PRIM2: variants seen among roughly 807,000 people sequenced by gnomAD.
PRIM2 encodes the protein DNA primase large subunit.
Under a neutral mutation model 67.3 loss-of-function variants are expected in PRIM2, and 39 were observed. That is an observed-to-expected ratio of 0.58 (90% confidence interval 0.45 to 0.76). The LOEUF is 0.76. Among genes scored for constraint, PRIM2 ranks in the 30% least tolerant of loss-of-function variants. PRIM2 has a pLI of 0.00. For missense variants in PRIM2, 398 were observed against 598.7 expected (o/e 0.66, Z 3.50); for synonymous variants, 143 against 198.7 (o/e 0.72, Z 2.36).
At chr6:57,306,691 T>A in the PRIM2 span, among the ~76,000 whole-genome samples, 1 of 152,148 alleles carries the variant, frequency 6.6e-6, no homozygotes, top group Non-Finnish European at 1.5e-5. Flanking sequence ...ATATTAGATC[T>A]GTCTTGGGTC....
At chr6:57,222,382 C>CGGCGGCTCAGCTTTCCA in the PRIM2 span, 1 of 152,502 alleles carries the variant, frequency 6.6e-6, no homozygotes, top group South Asian at 2.1e-4. Context: ...GGGTGGCTGG[C>CGGCGGCTCAGCTTTCCA]GGCGGCTCAG....
At chr6:57,402,776 C>T (rs372759320) in intron 7 of PRIM2, among the ~76,000 whole-genome samples, 4,965 of 152,004 alleles carry the variant, frequency 0.033, 269 homozygotes, top group African/African-American at 0.11. Context: ...GATTGTGTCC[C>T]CTCAGTTAAA....
At chr6:57,630,986 G>A (rs1341968497) in intron 12 of PRIM2, among the ~76,000 whole-genome samples, 9 of 152,280 alleles carry the variant, frequency 5.9e-5, no homozygotes, top group Non-Finnish European at 1.2e-4. Context: ...TGGTTGGCTG[G>A]CATTTACACA....
At chr6:57,465,096 C>T (rs35899437) in intron 7 of PRIM2, among the ~76,000 whole-genome samples, 12 of 152,212 alleles carry the variant, frequency 7.9e-5, no homozygotes, top group African/African-American at 2.6e-4. Flanking sequence ...CATGTAGGTC[C>T]ACCACTACAG....
chr6:57,305,969 TATCCATAA>T, the PRIM2 span, among the ~76,000 whole-genome samples: 3 of 152,224 alleles, frequency 2.0e-5, no homozygotes, highest in Non-Finnish European at 2.9e-5. Context: ...ATAGAGTCAT[TATCCATAA>T]ATGATAAATG....
At chr6:57,629,304 C>T (rs1413297035) in intron 12 of PRIM2, among the ~76,000 whole-genome samples, 219 of 152,272 alleles carry the variant, frequency 1.4e-3, no homozygotes, top group African/African-American at 5.1e-3. Context: ...ACTCCTGTTT[C>T]TACACAGAAA....
intron 5 of PRIM2, among the ~76,000 whole-genome samples, chr6:57,364,003 T>C (rs921278076): frequency 3.3e-5 from 5 of 152,142 alleles, no homozygotes; most frequent in Admixed American, 6.5e-5. Context: ...TCCCAGTTTG[T>C]TATTTCTATA....
chr6:57,431,531 C>G (rs1489617725), intron 7 of PRIM2, among the ~76,000 whole-genome samples: 1 of 151,884 alleles, frequency 6.6e-6, no homozygotes, highest in Non-Finnish European at 1.5e-5. Context: ...GGAGGTGCAC[C>G]CAGCTACTTG....
intron 7 of PRIM2, among the ~76,000 whole-genome samples, chr6:57,478,749 G>C (rs1455822627): frequency 0.088 from 12,675 of 143,498 alleles, 564 homozygotes; most frequent in Admixed American, 0.11. Flanking sequence ...TAACATCTCT[G>C]AGCCTAAGTT....
intron 12 of PRIM2, among the ~76,000 whole-genome samples, chr6:57,610,458 C>T (rs1406631370): frequency 6.6e-6 from 1 of 152,032 alleles, no homozygotes; most frequent in Admixed American, 6.5e-5. Flanking sequence ...TTTTATAAAG[C>T]ATACTTACAG....
chr6:57,370,440 T>C (rs1308882503), intron 5 of PRIM2, among the ~76,000 whole-genome samples: 1 of 152,216 alleles, frequency 6.6e-6, no homozygotes, highest in Non-Finnish European at 1.5e-5. Context: ...CATCCTACAT[T>C]TTTCAATGAG....
At chr6:57,255,945 G>A in the PRIM2 span, among the ~76,000 whole-genome samples, 1 of 152,126 alleles carries the variant, frequency 6.6e-6, no homozygotes, top group African/African-American at 2.4e-5. Flanking sequence ...ACACAGTGCA[G>A]TGTGAAATGC....
intron 10 of PRIM2, among the ~76,000 whole-genome samples, chr6:57,550,174 T>C (rs1364000831): frequency 1.3e-5 from 2 of 152,202 alleles, no homozygotes; most frequent in African/African-American, 2.4e-5. Flanking sequence ...TTAAAGGTAC[T>C]CTTAACAGCT....
chr6:57,562,305 C>T (rs1481985196), intron 10 of PRIM2, among the ~76,000 whole-genome samples: 1 of 152,102 alleles, frequency 6.6e-6, no homozygotes, highest in African/African-American at 2.4e-5. Context: ...TAGACATGCT[C>T]GATGCAGGGT....
intron 8 of PRIM2, among the ~76,000 whole-genome samples, chr6:57,510,168 T>G (rs1774335357): frequency 6.6e-6 from 1 of 152,164 alleles, no homozygotes; most frequent in Non-Finnish European, 1.5e-5. Flanking sequence ...TATAGTATGC[T>G]TGAAAGCTTG....
the PRIM2 span, among the ~76,000 whole-genome samples, chr6:57,304,536 C>T: frequency 6.6e-6 from 1 of 152,160 alleles, no homozygotes; most frequent in African/African-American, 2.4e-5. Context: ...AACATAATTG[C>T]TTCATAACTG....
chr6:57,584,921 T>C (rs1446975385), intron 10 of PRIM2, among the ~76,000 whole-genome samples: 8 of 152,224 alleles, frequency 5.3e-5, no homozygotes, highest in Middle Eastern at 3.2e-3. Flanking sequence ...CCAAAATCTG[T>C]GTTATCTCTG....
intron 7 of PRIM2, among the ~76,000 whole-genome samples, chr6:57,478,439 C>A (rs1432246257): frequency 6.6e-6 from 1 of 151,346 alleles, no homozygotes; most frequent in Middle Eastern, 3.4e-3. Context: ...CTCCTGTGCT[C>A]AAGTCTTCCT....
chr6:57,498,628 G>A (rs1235886345), intron 7 of PRIM2, among the ~76,000 whole-genome samples: 3 of 152,132 alleles, frequency 2.0e-5, no homozygotes, highest in Admixed American at 1.3e-4. Flanking sequence ...TTGTAAGGAA[G>A]CTGAAGTGAG....
Sources: allele counts gnomAD v4.1 joint callset (sites outside exome capture counted in the v4.1 genomes callset), GRCh38; gene constraint gnomAD v4.1.1; transcripts MANE v1.5; gene names NCBI Gene and HGNC (gene_info 2026-07-23, HGNC 2026-07-21).